SLC3A2: variants seen among roughly 807,000 people sequenced by gnomAD.
SLC3A2 encodes the protein solute carrier family 3 member 2.
In SLC3A2, 32 loss-of-function variants were observed where a neutral mutation model predicts 48.5. The ratio of observed to expected loss-of-function variants is 0.66; its 90% confidence interval spans 0.50 to 0.89. The LOEUF is 0.89. SLC3A2 is among the 40% of genes least tolerant of loss of function. The probability of loss-of-function intolerance (pLI) is 0.00; values close to 1 mark genes in which losing one functional copy is unlikely to be tolerated. For missense variants in SLC3A2, 587 were observed against 680.7 expected, an observed-to-expected ratio of 0.86 and a Z score of 1.53; for synonymous variants, 277 against 288.8, an observed-to-expected ratio of 0.96 and a Z score of 0.41.
intron 1 of SLC3A2, among the ~76,000 whole-genome samples, chr11:62,873,233 A>G (rs1331932567): frequency 1.3e-5 from 2 of 152,092 alleles, no homozygotes; most frequent in East Asian, 1.9e-4. Flanking sequence ...TCACGTCTGT[A>G]ATCCTAGCAT....
At chr11:62,858,851 C>T (rs2085366912) in intron 1 of SLC3A2, among the ~76,000 whole-genome samples, 1 of 152,214 alleles carries the variant, frequency 6.6e-6, no homozygotes, top group African/African-American at 2.4e-5. Flanking sequence ...ACATAAACAT[C>T]TCAATGCTTT....
rs2085701361 is a variant in SLC3A2 at position 62,885,519 on chromosome 11, T to C, written c.1054T>C (p.Tyr352His). 6.2e-7 allele frequency: 1 copy of C among 1,614,186 alleles called. No individual in the cohort carries two copies. Among genetic ancestry groups the C allele is most frequent in the South Asian group, 1.1e-5 (1 of 91,082 alleles). ...SFLPAQLLRL[Y>H]QLMLFTLPGT... is the part of the protein sequence containing the mutation. The stretch of plus-strand genomic sequence containing the variant: ...CTTGCCGGCTCAACTTCTCCGACTC[T>C]ACCAGCTGATGCTCTTCACCCTGCC... The change falls in exon 7 of 9, where the codon TAC becomes CAC. Residue 352 changes from tyrosine to histidine, a missense_variant. Tyr to His is a moderately conservative substitution (Grantham distance 83). Around this residue, in one of 3 missense-constraint regions of SLC3A2, gnomAD observed 409 missense variants for 446.7 expected, o/e 0.92. Transcript: ENST00000338663.
At position 62,888,323 on chromosome 11, in the gene SLC3A2, AT is replaced by A. The variant is rs1176861764; in HGVS notation, c.1228-6del. Reference sequence around the variant, plus strand: ...CACACGCTTCTGCTATGTTTTTATCATTCTTAGGGCCAGAGTGAAGACCCTG... The same window carrying A: ...CACACGCTTCTGCTATGTTTTTATCATCTTAGGGCCAGAGTGAAGACCCTG... On this transcript the variant is annotated splice_polypyrimidine_tract_variant and splice_region_variant and intron_variant, in intron 8 of 8. Transcript: ENST00000338663. 1.9e-6 allele frequency: 3 copies of A among 1,612,226 alleles called. No individual in the cohort carries two copies. In the Admixed American group the frequency reaches 5.0e-5, roughly 27 times the overall value.
chr11:62,869,926 G>A (rs2085493637), intron 1 of SLC3A2, among the ~76,000 whole-genome samples: 1 of 151,260 alleles, frequency 6.6e-6, no homozygotes, highest in African/African-American at 2.4e-5. Flanking sequence ...GAGATTACAG[G>A]TGCCTGCCAC....
chr11:62,862,968 C>G (rs1365986694), intron 1 of SLC3A2, among the ~76,000 whole-genome samples: 1 of 152,244 alleles, frequency 6.6e-6, no homozygotes, highest in East Asian at 1.9e-4. Context: ...GTCACCCAGG[C>G]TGGAGTGCAG....
At position 62,881,117 on chromosome 11, in the gene SLC3A2, A is replaced by AT; in HGVS notation, c.95dup (p.Met32IlefsTer28). 6.2e-7 allele frequency: 1 copy of AT among 1,608,460 alleles called. No homozygotes were observed. The highest frequency in any genetic ancestry group is 8.5e-7 in the Non-Finnish European group (1 of 1,178,118). ...GATGAACGCGGCGTCTGGGGCGGCCATGTCCCTGGCGGGAGCCGAGAAGAA... is the reference window on the plus strand; with the variant it reads ...GATGAACGCGGCGTCTGGGGCGGCCATTGTCCCTGGCGGGAGCCGAGAAGAA... On this transcript the variant is annotated frameshift_variant, in exon 1 of 9. Coordinates refer to ENST00000338663, the MANE Select transcript of SLC3A2 (RefSeq NM_001013251.3). LOFTEE classifies it high-confidence loss of function. The surrounding 1 kb of genome is among the most constrained non-coding windows in gnomAD (Gnocchi z 4.0).
intron 8 of SLC3A2, 48 bp from the exon 9 acceptor site, chr11:62,888,283 C>T: frequency 6.2e-7 from 1 of 1,608,758 alleles, no homozygotes; most frequent in Non-Finnish European, 8.5e-7. Context: ...GAAGTCTGTA[C>T]CCAGGGGAGC....
chr11:62,863,055 G>A (rs561070078), intron 1 of SLC3A2, among the ~76,000 whole-genome samples: 1 of 152,258 alleles, frequency 6.6e-6, no homozygotes, highest in South Asian at 2.1e-4. Context: ...CTGAGTAGCT[G>A]GGATTACAGG....
At chr11:62,871,632 T>G in intron 1 of SLC3A2, 1 of 663,746 alleles carries the variant, frequency 1.5e-6, no homozygotes, top group Non-Finnish European at 2.8e-6. Context: ...CCTCAAGTGA[T>G]CCTCCTGCCT....
At chr11:62,876,971 T>G, upstream of SLC3A2, 1 of 986,992 alleles carries the variant, frequency 1.0e-6, no homozygotes, top group African/African-American at 1.7e-5. Flanking sequence ...TATCTTGATA[T>G]GATACAGCGT....
intron 8 of SLC3A2, 43 bp downstream of exon 8, chr11:62,888,261 G>A: frequency 6.2e-7 from 1 of 1,610,142 alleles, no homozygotes; most frequent in South Asian, 1.1e-5. Context: ...TGGAGGGTGG[G>A]CTGGGCTTGT....
intron 1 of SLC3A2, among the ~76,000 whole-genome samples, chr11:62,862,184 G>T (rs2085406339): frequency 6.6e-6 from 1 of 150,918 alleles, no homozygotes; most frequent in Non-Finnish European, 1.5e-5. Context: ...GGACATGTTG[G>T]AGTGTGCCTG....
chr11:62,856,293 C>A, exon 1 of SLC3A2: 9 of 1,613,396 alleles, frequency 5.6e-6, no homozygotes, highest in Non-Finnish European at 7.6e-6. Context: ...CTCCTGAAGC[C>A]TCGATCGCCG....
At chr11:62,861,297 C>T (rs976730534) in intron 1 of SLC3A2, among the ~76,000 whole-genome samples, 2 of 151,854 alleles carry the variant, frequency 1.3e-5, no homozygotes, top group Non-Finnish European at 2.9e-5. Flanking sequence ...AATTGTGCAA[C>T]AAATAGAGGC....
intron 1 of SLC3A2, among the ~76,000 whole-genome samples, chr11:62,858,641 G>A (rs1295013314): frequency 6.6e-6 from 1 of 152,112 alleles, no homozygotes; most frequent in Non-Finnish European, 1.5e-5. Context: ...GGGAACCAGC[G>A]TTCAGCATAT....
intron 1 of SLC3A2, among the ~76,000 whole-genome samples, chr11:62,864,466 T>TA (rs2085432022): frequency 6.6e-6 from 1 of 152,070 alleles, no homozygotes; most frequent in Non-Finnish European, 1.5e-5. Flanking sequence ...TTATTTTTTT[T>TA]ATTTTTATTT....
At chr11:62,873,404 A>C (rs1275041063) in intron 1 of SLC3A2, among the ~76,000 whole-genome samples, 1 of 151,410 alleles carries the variant, frequency 6.6e-6, no homozygotes, top group African/African-American at 2.4e-5. Context: ...CAGGAGAATC[A>C]CTTGAACCTG....
rs1329742565 is a variant in SLC3A2, at chr11:62,881,564, G to A, written c.424+117G>A. 8.0e-6 allele frequency: 11 copies of A among 1,378,676 alleles called. No homozygotes were observed. The South Asian group carries it at 1.3e-4, about 17-fold the overall frequency. The allele number at this position is 1,378,676 out of a possible 1,614,324, so 85.4% of individuals were successfully genotyped here. A position where few individuals can be genotyped will look rare whatever the true frequency, so the allele number is the denominator to read the frequency against. ...GTTCTTCCCTCCATCCCGTACCGACGACTGTTCCCCCTTCCCCCACCCCCT... is the reference window on the plus strand; with the variant it reads ...GTTCTTCCCTCCATCCCGTACCGACAACTGTTCCCCCTTCCCCCACCCCCT... On this transcript the variant is annotated intron_variant, in intron 1 of 8. Coordinates refer to ENST00000338663, the MANE Select transcript of SLC3A2 (RefSeq NM_001013251.3). The surrounding 1 kb of genome is among the most constrained non-coding windows in gnomAD (Gnocchi z 4.0).
intron 1 of SLC3A2, among the ~76,000 whole-genome samples, chr11:62,869,523 CAAA>C (rs57962693): frequency 7.4e-5 from 4 of 53,862 alleles, no homozygotes; most frequent in Admixed American, 2.5e-4. Context: ...GACTCCATCT[CAAA>C]AAAAAAAAAA....
Sources: gnomAD v4.1 joint callset for allele counts (sites outside exome capture counted in the v4.1 genomes callset) on GRCh38, gnomAD v4.1.1 for gene constraint, gnomAD v4.1.1 regional missense constraint, Gnocchi (gnomAD v3.1) non-coding constraint, MANE v1.5 for transcripts, NCBI Gene and HGNC (gene_info 2026-07-23, HGNC 2026-07-21) for gene names.